Variants in TM4SF4 observed in about 807,000 individuals in gnomAD.
TM4SF4 encodes transmembrane 4 L6 family member 4.
Under a neutral mutation model 24.1 loss-of-function variants are expected in TM4SF4, and 24 were observed. The ratio of observed to expected loss-of-function variants is 1.00; its 90% CI spans 0.72 to 1.40. TM4SF4 has a LOEUF of 1.40. TM4SF4 is among the 40% of genes most tolerant of loss of function. The pLI is 0.00. For missense variants in TM4SF4, 254 were observed against 254.2 expected, an observed-to-expected ratio of 1.00 and a Z score of 0.01; for synonymous variants, 113 against 97.0, an observed-to-expected ratio of 1.17 and a Z score of -0.97.
At chr3:149,499,065 C>T (rs1560033935) in intron 4 of TM4SF4, among the ~76,000 whole-genome samples, 154 bp downstream of exon 4, 3 of 152,200 alleles carry the variant, frequency 2.0e-5, no homozygotes, top group Admixed American at 6.5e-5. Context: ...GAAGCCCAGT[C>T]AGCCCTGTCT....
At chr3:149,502,408 AAAAT>A (rs574342192) in intron 4 of TM4SF4, among the ~76,000 whole-genome samples, 3 of 152,320 alleles carry the variant, frequency 2.0e-5, no homozygotes, top group South Asian at 2.1e-4. Context: ...AAATAAAACA[AAAAT>A]AAATAAATAA....
At chr3:149,501,304 AG>A (rs1203538541) in intron 4 of TM4SF4, among the ~76,000 whole-genome samples, 4 of 152,032 alleles carry the variant, frequency 2.6e-5, no homozygotes, top group Non-Finnish European at 4.4e-5. Context: ...TGTACACACA[AG>A]AATTGTCCAT....
chr3:149,475,599 C>T (rs953401542), intron 1 of TM4SF4, among the ~76,000 whole-genome samples: 10 of 152,292 alleles, frequency 6.6e-5, no homozygotes, highest in Middle Eastern at 3.4e-3. Context: ...TAAATGGAAA[C>T]TCAGATTTTG....
intron 3 of TM4SF4, among the ~76,000 whole-genome samples, chr3:149,494,265 G>T (rs1242579231): frequency 6.6e-6 from 1 of 152,150 alleles, no homozygotes; most frequent in Admixed American, 6.6e-5. Context: ...TGGTTTGTGA[G>T]GGGTGAGGCT....
chr3:149,475,648 G>A (rs2107864746), intron 1 of TM4SF4, 175 bp from the exon 2 acceptor site: 1 of 542,166 alleles, frequency 1.8e-6, no homozygotes, highest in Non-Finnish European at 3.3e-6. Context: ...CAGCCCAAAT[G>A]GAATCTAAGT....
intron 3 of TM4SF4, among the ~76,000 whole-genome samples, chr3:149,498,174 C>G (rs921776318): frequency 6.6e-6 from 1 of 152,170 alleles, no homozygotes; most frequent in African/African-American, 2.4e-5. Context: ...TCAGGCTCTT[C>G]CCTTTAGCTA....
rs570025128 is a variant in TM4SF4 at position 149,481,092 on chromosome 3, C to A, written c.264+5180C>A. Among the ~76,000 whole-genome samples, 5 of 152,270 alleles carry A rather than the reference C, an allele frequency of 3.3e-5. No individual in the cohort carries two copies. The East Asian group carries it at 9.6e-4, about 29-fold the overall frequency. On this transcript the variant is annotated intron_variant, in intron 2 of 4. Transcript: ENST00000305354. Reference sequence around the variant, plus strand: ...GGCCAGGCTGGTCTCAAACTTCTGACCTCTTGATCTGCCTGCCTTAGCCTC... The same window carrying A: ...GGCCAGGCTGGTCTCAAACTTCTGAACTCTTGATCTGCCTGCCTTAGCCTC...
At chr3:149,496,507 T>C (rs1734313587) in intron 3 of TM4SF4, among the ~76,000 whole-genome samples, 1 of 152,180 alleles carries the variant, frequency 6.6e-6, no homozygotes, top group Non-Finnish European at 1.5e-5. Flanking sequence ...ATCGGCCAGA[T>C]GCCGTGGCTC....
chr3:149,480,987 G>A (rs1000154229), intron 2 of TM4SF4, among the ~76,000 whole-genome samples: 6 of 151,806 alleles, frequency 4.0e-5, no homozygotes, highest in Non-Finnish European at 7.4e-5. Context: ...CAGCCTCCCG[G>A]GTAGCTGGGA....
intron 2 of TM4SF4, among the ~76,000 whole-genome samples, chr3:149,481,984 T>C (rs769369768): frequency 9.9e-5 from 15 of 152,178 alleles, no homozygotes; most frequent in Non-Finnish European, 1.9e-4. Flanking sequence ...ATGACATTGA[T>C]CAAGTGCTTG....
chr3:149,486,236 C>T (rs114954307), intron 2 of TM4SF4, among the ~76,000 whole-genome samples: 4,827 of 152,214 alleles, frequency 0.032, 86 homozygotes, highest in Middle Eastern at 0.065. Flanking sequence ...GCTTAAGCTG[C>T]CACGTCTAAT....
intron 3 of TM4SF4, among the ~76,000 whole-genome samples, chr3:149,490,630 T>C (rs1326639991): frequency 1.3e-5 from 2 of 152,246 alleles, no homozygotes; most frequent in African/African-American, 4.8e-5. Flanking sequence ...CTAGATTCCC[T>C]GTTGGCAAAA....
At chr3:149,491,730 G>T (rs1241553260) in intron 3 of TM4SF4, among the ~76,000 whole-genome samples, 3 of 152,202 alleles carry the variant, frequency 2.0e-5, no homozygotes, top group African/African-American at 7.2e-5. Context: ...TGCAGAAAGT[G>T]TGAGATGGAG....
intron 3 of TM4SF4, among the ~76,000 whole-genome samples, chr3:149,494,346 C>T (rs924398271): frequency 6.6e-6 from 1 of 152,232 alleles, no homozygotes; most frequent in Non-Finnish European, 1.5e-5. Flanking sequence ...TCGCCGTAAA[C>T]GTTTCACAAA....
chr3:149,501,046 G>A (rs73152658), intron 4 of TM4SF4, among the ~76,000 whole-genome samples: 6 of 147,502 alleles, frequency 4.1e-5, no homozygotes, highest in South Asian at 2.2e-4. Context: ...AAGAGAGAGA[G>A]AGAAAGAAAG....
intron 3 of TM4SF4, chr3:149,495,417 G>T (rs911033309): frequency 8.5e-6 from 3 of 354,778 alleles, no homozygotes; most frequent in South Asian, 2.7e-5. Flanking sequence ...TGGTGGCATT[G>T]GTCCCTATGT....
In TM4SF4 at chr3:149,498,075, A is replaced by G. The variant is rs574469009; in HGVS notation, c.402-647A>G. The stretch of plus-strand genomic sequence containing the variant: ...CTATTTGTTCCTTTTGAAGAAAATT[A>G]ATTACATCTTTGTGTGTGAGAGATT... On this transcript the variant is annotated intron_variant, in intron 3 of 4. Coordinates refer to ENST00000305354, the MANE Select transcript of TM4SF4 (RefSeq NM_004617.4). Among the ~76,000 whole-genome samples, 105 of 152,356 alleles carry G rather than the reference A, an allele frequency of 6.9e-4. No homozygotes were observed. The Middle Eastern group carries it at 0.014, about 20-fold the overall frequency.
At chr3:149,475,959 T>C (rs1733921745) in intron 2 of TM4SF4, 47 bp downstream of exon 2, 1 of 1,495,950 alleles carries the variant, frequency 6.7e-7, no homozygotes, top group African/African-American at 1.4e-5. Context: ...CAGGGTGCTC[T>C]GTGCTTTTGT....
At chr3:149,480,500 A>G (rs959452170) in intron 2 of TM4SF4, among the ~76,000 whole-genome samples, 2 of 152,068 alleles carry the variant, frequency 1.3e-5, no homozygotes, top group Non-Finnish European at 2.9e-5. Flanking sequence ...CCAGATGATC[A>G]ACCTCCCTGT....
Sources: gnomAD v4.1 joint callset for allele counts (sites outside exome capture counted in the v4.1 genomes callset) on GRCh38, gnomAD v4.1.1 for gene constraint, MANE v1.5 for transcripts, NCBI Gene and HGNC (gene_info 2026-07-23, HGNC 2026-07-21) for gene names.